The following DNAJA4 variants were observed in gnomAD, a reference collection of about 807,000 sequenced individuals.
DNAJA4 encodes dnaJ homolog subfamily A member 4.
DNAJA4 carries 32 observed loss-of-function variants against 39.7 expected under a neutral mutation model. The ratio of observed to expected loss-of-function variants is 0.81; its 90% CI spans 0.61 to 1.08. DNAJA4 has a LOEUF of 1.08. DNAJA4 is among the 50% of genes least tolerant of loss of function. The pLI is 0.00. For synonymous variants in DNAJA4, 184 were observed against 182.4 expected (o/e 1.01, Z -0.07); for missense variants, 439 against 505.1 (o/e 0.87, Z 1.25).
At chr15:78,264,966 G>A in intron 1 of DNAJA4, 71 bp downstream of exon 1, 1 of 1,444,126 alleles carries the variant, frequency 6.9e-7, no homozygotes, top group Non-Finnish European at 9.2e-7. Context: ...AGCATTGAAG[G>A]CGACGGGAAA....
intron 1 of DNAJA4, chr15:78,265,601 A>G (rs2049099758): frequency 4.3e-6 from 3 of 702,214 alleles, no homozygotes; most frequent in African/African-American, 3.5e-5. Context: ...CATTTTAGAG[A>G]CAGAAGTTAA....
chr15:78,265,423 A>G, intron 1 of DNAJA4: 1 of 699,548 alleles, frequency 1.4e-6, no homozygotes, highest in East Asian at 2.7e-5. Flanking sequence ...CTGTGCACCT[A>G]CTGCCTACCT....
In DNAJA4 at chr15:78,280,569, A is replaced by G; in HGVS notation, c.*109A>G. ...GCCTTGTGTTTGGGATGTCCTGTGTATGTGTTCAGCATTCTTAATTGCTGA... is the reference window on the plus strand; with the variant it reads ...GCCTTGTGTTTGGGATGTCCTGTGTGTGTGTTCAGCATTCTTAATTGCTGA... On this transcript the variant is annotated 3_prime_UTR_variant, in exon 7 of 7. Coordinates refer to ENST00000394852, the MANE Select transcript of DNAJA4 (RefSeq NM_001130182.2). 1 of 933,356 alleles carries G rather than the reference A, an allele frequency of 1.1e-6. No homozygotes were observed. The allele number at this position is 933,356 out of a possible 1,614,324, so 57.8% of individuals were successfully genotyped here. A position where few individuals can be genotyped will look rare whatever the true frequency, so the allele number is the denominator to read the frequency against.
rs2049674326 is a variant in DNAJA4, at chr15:78,282,028, G to A, written c.*1568G>A. The A allele has an allele frequency of 6.6e-6, 1 of 152,210 alleles. No homozygotes were observed. The allele number at this position is 152,210 out of a possible 1,614,324, so 9.4% of individuals were successfully genotyped here. A position where few individuals can be genotyped will look rare whatever the true frequency, so the allele number is the denominator to read the frequency against. ...AACTCTGGGGTGTCGTTTTTGTGCT[G>A]TGACTTCCTAATTATTGCTAAAGAA... On this transcript the variant is annotated 3_prime_UTR_variant, in exon 7 of 7. Coordinates refer to ENST00000394852, the MANE Select transcript of DNAJA4 (RefSeq NM_001130182.2).
At chr15:78,266,816 C>G (rs2049135480) in intron 1 of DNAJA4, among the ~76,000 whole-genome samples, 1 of 152,156 alleles carries the variant, frequency 6.6e-6, no homozygotes, top group Non-Finnish European at 1.5e-5. Flanking sequence ...GGGTGAGTAT[C>G]TAGCTGTGCA....
At chr15:78,268,484 T>G (rs2049203686) in intron 1 of DNAJA4, among the ~76,000 whole-genome samples, 1 of 152,242 alleles carries the variant, frequency 6.6e-6, no homozygotes. Context: ...TTATTAGATT[T>G]CAATCAGGGA....
chr15:78,266,462 G>A (rs906972509), intron 1 of DNAJA4, among the ~76,000 whole-genome samples: 1 of 152,210 alleles, frequency 6.6e-6, no homozygotes. Flanking sequence ...TTTATTCATA[G>A]CCAGGCACTG....
intron 1 of DNAJA4, among the ~76,000 whole-genome samples, chr15:78,267,547 A>G (rs141897441): frequency 7.9e-5 from 12 of 152,144 alleles, no homozygotes; most frequent in East Asian, 7.7e-4. Flanking sequence ...TTTAGGGGCA[A>G]TGATGTGGGG....
At chr15:78,266,577 C>T (rs966766219) in intron 1 of DNAJA4, among the ~76,000 whole-genome samples, 1 of 152,200 alleles carries the variant, frequency 6.6e-6, no homozygotes, top group South Asian at 2.1e-4. Flanking sequence ...TACTTTCCTT[C>T]CTCTACCTTC....
chr15:78,265,355 G>C (rs1312158233), intron 1 of DNAJA4: 6 of 645,878 alleles, frequency 9.3e-6, no homozygotes, highest in Admixed American at 4.6e-5. Context: ...TCTTTAATCT[G>C]AGCTGGTACC....
rs116318728 is a variant in DNAJA4 at position 78,276,135 on chromosome 15, C to A, written c.877+407C>A. 1.7e-3 allele frequency among the ~76,000 whole-genome samples: 259 copies of A among 152,212 alleles called. 1 individual carries two copies. The highest frequency in any genetic ancestry group is 6.0e-3 in the African/African-American group (251 of 41,528). On this transcript the variant is annotated intron_variant, in intron 5 of 6. Coordinates refer to ENST00000394852, the MANE Select transcript of DNAJA4 (RefSeq NM_001130182.2). ...GCTCTGAATTTTAGATGAATTCTGG[C>A]AATTAAACTTAAGTTTTTAAAAATT...
intron 1 of DNAJA4, among the ~76,000 whole-genome samples, chr15:78,268,358 G>A (rs1245685812): frequency 6.6e-6 from 1 of 152,138 alleles, no homozygotes; most frequent in Non-Finnish European, 1.5e-5. Flanking sequence ...CGCAGAAATG[G>A]TATGAGAATT....
chr15:78,281,113 C>G lies in DNAJA4; in HGVS notation c.*653C>G, dbSNP rs539104417. 2.9e-4 allele frequency: 45 copies of G among 152,860 alleles called. No individual in the cohort carries two copies. The highest frequency in any genetic ancestry group is 1.0e-3 in the African/African-American group (43 of 41,576). 9.5% of individuals were successfully genotyped at this position (152,860 alleles called of 1,614,324 possible). ...GGAAGTTTTCTGAACCTTCCAAGCTCTGTGGTGAGGACAAACCAGTGTTTG... is the reference window on the plus strand; with the variant it reads ...GGAAGTTTTCTGAACCTTCCAAGCTGTGTGGTGAGGACAAACCAGTGTTTG... On this transcript the variant is annotated 3_prime_UTR_variant, in exon 7 of 7. Transcript: ENST00000394852.
chr15:78,280,479 G>T lies in DNAJA4; in HGVS notation c.*19G>T. 6.3e-7 allele frequency: 1 copy of T among 1,583,556 alleles called. No individual in the cohort carries two copies. The highest frequency in any genetic ancestry group is 8.6e-7 in the Non-Finnish European group (1 of 1,161,330). ...GGCATGACGTGGTGCGGGGCAGCGT[G>T]GCCCCACCGGACTAGCACATGATGA... On this transcript the variant is annotated 3_prime_UTR_variant, in exon 7 of 7. Transcript: ENST00000394852.
intron 2 of DNAJA4, among the ~76,000 whole-genome samples, chr15:78,272,385 CCTCA>C (rs1292678851): frequency 2.0e-5 from 3 of 152,144 alleles, no homozygotes; most frequent in Non-Finnish European, 2.9e-5. Flanking sequence ...TGTCCAGCTC[CCTCA>C]CTGTCTTGAG....
At position 78,264,593 on chromosome 15, in the gene DNAJA4, C is replaced by CGGCGCGGGGCGCGG. The variant is rs1156497882; in HGVS notation, c.-160_-159insCGGGGCGCGGGGCG. On this transcript the variant is annotated 5_prime_UTR_variant, in exon 1 of 7. Transcript: ENST00000394852. ...GTGGAGCCAGGCGTGGAAGTCGGTC[C>CGGCGCGGGGCGCGG]GGCGCGGGGCGGGGGGCGGGCGGGA... 2 of 1,152,508 alleles carry CGGCGCGGGGCGCGG rather than the reference C, an allele frequency of 1.7e-6. No individual in the cohort carries two copies. The highest frequency in any genetic ancestry group is 1.6e-5 in the African/African-American group (1 of 61,290). 71.4% of individuals were successfully genotyped at this position (1,152,508 alleles called of 1,614,324 possible). A position where few individuals can be genotyped will look rare whatever the true frequency, so the allele number is the denominator to read the frequency against.
In DNAJA4 at chr15:78,274,293, A is replaced by G; in HGVS notation, c.515A>G (p.Gln172Arg). The change falls in exon 4 of 7, where the codon CAG becomes CGG. Residue 172 changes from glutamine to arginine, a missense_variant. Transcript: ENST00000394852. ...CAGCAGATCGGGCCGGGCATGGTAC[A>G]GCAGATCCAGACCGTGTGCATCGAG... is the stretch of plus-strand genomic sequence containing the variant. ...HIQQIGPGMV[Q>R]QIQTVCIECK... 1.2e-6 allele frequency: 2 copies of G among 1,614,232 alleles called. No homozygotes were observed. Among genetic ancestry groups the G allele is most frequent in the Non-Finnish European group, 1.7e-6 (2 of 1,180,042 alleles).
chr15:78,268,747 C>G (rs2141434051), intron 1 of DNAJA4, among the ~76,000 whole-genome samples: 1 of 152,354 alleles, frequency 6.6e-6, no homozygotes, highest in Admixed American at 6.5e-5. Flanking sequence ...GTGCCTTCTA[C>G]ATGCCAGGCA....
chr15:78,270,707 T>G (rs1449894625), intron 2 of DNAJA4, 30 bp downstream of exon 2: 2 of 1,601,906 alleles, frequency 1.2e-6, no homozygotes, highest in East Asian at 4.5e-5. Flanking sequence ...CATAAATAAG[T>G]TGTATGGTTT....
Sources: gnomAD v4.1 joint callset for allele counts (sites outside exome capture counted in the v4.1 genomes callset) on GRCh38, gnomAD v4.1.1 for gene constraint, MANE v1.5 for transcripts, NCBI Gene and HGNC (gene_info 2026-07-23, HGNC 2026-07-21) for gene names.